Variants in ARPP21 observed in about 807,000 individuals in gnomAD.
ARPP21 encodes the protein cAMP regulated phosphoprotein 21.
A neutral mutation model predicts 113.2 loss-of-function variants in ARPP21; 69 were observed. The observed-to-expected ratio is 0.61, with a 90% CI of 0.50 to 0.74. ARPP21 has a LOEUF of 0.74. Among genes scored for constraint, ARPP21 ranks in the 30% least tolerant of loss-of-function variants. The probability of loss-of-function intolerance (pLI) is 0.00; values close to 1 mark genes in which losing one functional copy is unlikely to be tolerated. For missense variants in ARPP21, 1,070 were observed against 1,037.4 expected, an observed-to-expected ratio of 1.03 and a Z score of -0.43; for synonymous variants, 368 against 375.5, an observed-to-expected ratio of 0.98 and a Z score of 0.23.
intron 1 of ARPP21, among the ~76,000 whole-genome samples, chr3:35,677,159 T>C (rs1260631707): frequency 6.6e-6 from 1 of 151,962 alleles, no homozygotes; most frequent in Non-Finnish European, 1.5e-5. Context: ...CCCAACTTAT[T>C]GATAAAAATT....
chr3:35,783,371 C>T (rs2096565467), intron 19 of ARPP21, among the ~76,000 whole-genome samples: 1 of 152,066 alleles, frequency 6.6e-6, no homozygotes, highest in Non-Finnish European at 1.5e-5. Context: ...AGCTAAGGCA[C>T]TGCATTCCAC....
At chr3:35,724,306 T>G (rs2093360528) in intron 14 of ARPP21, among the ~76,000 whole-genome samples, 1 of 152,196 alleles carries the variant, frequency 6.6e-6, no homozygotes, top group South Asian at 2.1e-4. Context: ...ATGACACCTG[T>G]GCGGCAACCT....
At chr3:35,667,993 G>T (rs1003186384) in intron 1 of ARPP21, among the ~76,000 whole-genome samples, 2 of 148,706 alleles carry the variant, frequency 1.3e-5, no homozygotes, top group South Asian at 2.1e-4. Flanking sequence ...AGAAGAAGAA[G>T]AAGAAGAAGA....
chr3:35,775,049 A>C (rs1055335303), intron 19 of ARPP21: 2 of 152,164 alleles, frequency 1.3e-5, no homozygotes, highest in Non-Finnish European at 2.9e-5. Context: ...AAATAAGATT[A>C]ATACAAATTA....
At chr3:35,677,291 C>A (rs998380128) in intron 1 of ARPP21, among the ~76,000 whole-genome samples, 1 of 151,388 alleles carries the variant, frequency 6.6e-6, no homozygotes, top group African/African-American at 2.4e-5. Flanking sequence ...CACACACAGA[C>A]ACACACACAT....
At chr3:35,692,498 T>G (rs1055820533) in intron 9 of ARPP21, among the ~76,000 whole-genome samples, 4 of 151,678 alleles carry the variant, frequency 2.6e-5, no homozygotes, top group African/African-American at 9.7e-5. Context: ...TTTCTTCTTC[T>G]TTGTCTATAA....
At chr3:35,742,944 C>T (rs917477788) in intron 18 of ARPP21, among the ~76,000 whole-genome samples, 2 of 152,114 alleles carry the variant, frequency 1.3e-5, no homozygotes, top group African/African-American at 4.8e-5. Flanking sequence ...GCAAAGAAGT[C>T]TATCAGATCA....
At chr3:35,717,096 C>T (rs1342492733) in intron 12 of ARPP21, among the ~76,000 whole-genome samples, 1 of 151,786 alleles carries the variant, frequency 6.6e-6, no homozygotes, top group African/African-American at 2.4e-5. Context: ...TTCTCCTTAC[C>T]TAGCATCGGT....
At chr3:35,793,472 T>A (rs190110749) in intron 20 of ARPP21, among the ~76,000 whole-genome samples, 6 of 152,294 alleles carry the variant, frequency 3.9e-5, no homozygotes, top group Non-Finnish European at 7.4e-5. Flanking sequence ...ATCCCTTCAA[T>A]CCTTTCAATG....
intron 1 of ARPP21, among the ~76,000 whole-genome samples, chr3:35,676,159 A>G (rs538339048): frequency 1.1e-4 from 17 of 152,120 alleles, no homozygotes; most frequent in South Asian, 2.1e-4. Flanking sequence ...CAAGTGAAGA[A>G]ATAAAACACT....
chr3:35,688,725 T>C, intron 6 of ARPP21, among the ~76,000 whole-genome samples: 1 of 151,586 alleles, frequency 6.6e-6, no homozygotes, highest in South Asian at 2.1e-4. Context: ...ATATCTAAAA[T>C]CCAAGGTGTA....
At chr3:35,764,817 C>T (rs953282472) in intron 19 of ARPP21, among the ~76,000 whole-genome samples, 5 of 152,058 alleles carry the variant, frequency 3.3e-5, no homozygotes, top group East Asian at 3.9e-4. Flanking sequence ...AATTATAGTT[C>T]TGCCATTTGT....
intron 19 of ARPP21, among the ~76,000 whole-genome samples, chr3:35,748,058 A>AGAAT: frequency 1.2e-5 from 1 of 82,744 alleles, no homozygotes; most frequent in East Asian, 2.9e-4. Context: ...AAGAAAAGGA[A>AGAAT]GAAGGAAGGA....
At chr3:35,668,032 G>GAA (rs2075328742) in intron 1 of ARPP21, among the ~76,000 whole-genome samples, 5 of 137,186 alleles carry the variant, frequency 3.6e-5, no homozygotes, top group East Asian at 2.2e-4. Flanking sequence ...AGAAGAAGAA[G>GAA]GAGAAGAAGA....
At chr3:35,743,767 G>A (rs2094831770) in intron 18 of ARPP21, 72 bp from the exon 19 acceptor site, 2 of 1,516,074 alleles carry the variant, frequency 1.3e-6, no homozygotes, top group Non-Finnish European at 1.8e-6. Flanking sequence ...TAAGACGAAA[G>A]CATATTTTAA....
At chr3:35,792,571 G>C (rs371047813) in intron 20 of ARPP21, 41 bp downstream of exon 20, 2 of 1,608,774 alleles carry the variant, frequency 1.2e-6, no homozygotes, top group African/African-American at 2.7e-5. Context: ...TTTTAAAGTA[G>C]AATTTGCCAA....
At chr3:35,773,218 T>C (rs1429579090) in intron 19 of ARPP21, among the ~76,000 whole-genome samples, 1 of 152,174 alleles carries the variant, frequency 6.6e-6, no homozygotes, top group Admixed American at 6.5e-5. Context: ...TTTTAAATTA[T>C]AATTATGGGC....
chr3:35,739,393 C>T lies in ARPP21; in HGVS notation c.1826C>T (p.Ser609Leu), dbSNP rs1208273402. The T allele has an allele frequency of 9.3e-6, 15 of 1,614,056 alleles. No individual in the cohort carries two copies. The highest frequency in any genetic ancestry group is 1.3e-5 in the Non-Finnish European group (15 of 1,180,036). ...TCGGGGGAGACTCCTGAACCCCCAT[C>T]AGGTCCTGTCTACCCATCCTCCCTT... ...QSSGETPEPP[S>L]GPVYPSSLMP... Residue 609 changes from serine to leucine, a missense_variant, in exon 18 of 21, where the codon TCA becomes TTA. Coordinates refer to ENST00000684406, the MANE Select transcript of ARPP21 (RefSeq NM_001385562.1).
At chr3:35,707,641 T>A in intron 10 of ARPP21, 1 of 424,424 alleles carries the variant, frequency 2.4e-6, no homozygotes, top group South Asian at 1.7e-5. Context: ...TCCCATGTTT[T>A]ATGGTCCATG....
Sources: allele counts gnomAD v4.1 joint callset (sites outside exome capture counted in the v4.1 genomes callset), GRCh38; gene constraint gnomAD v4.1.1; transcripts MANE v1.5; gene names NCBI Gene and HGNC (gene_info 2026-07-23, HGNC 2026-07-21).